Variants in BNC2 observed in about 807,000 individuals in gnomAD.
BNC2 encodes the protein basonuclin zinc finger protein 2, also known as zinc finger protein basonuclin-2.
Under a neutral mutation model 76.3 loss-of-function variants are expected in BNC2, and 20 were observed. That is an observed-to-expected ratio of 0.26 (90% CI 0.18 to 0.38). The LOEUF (loss-of-function observed/expected upper bound fraction) is 0.38, where lower values mean the gene tolerates loss of function less well. Among genes scored for constraint, BNC2 ranks in the 10% least tolerant of loss-of-function variants. The pLI, the probability that BNC2 is intolerant of heterozygous loss-of-function variation, is 1.00. For missense variants in BNC2, 1,382 were observed against 1,399.8 expected, an observed-to-expected ratio of 0.99 and a Z score of 0.20; for synonymous variants, 582 against 514.8, an observed-to-expected ratio of 1.13 and a Z score of -1.77.
intron 3 of BNC2, among the ~76,000 whole-genome samples, chr9:16,650,708 T>C (rs1332202597): frequency 5.9e-5 from 9 of 152,166 alleles, no homozygotes; most frequent in African/African-American, 1.7e-4. Context: ...GCATAATCAA[T>C]TGCATTCAGA....
chr9:16,476,406 G>T (rs1396820376), intron 5 of BNC2, among the ~76,000 whole-genome samples: 1 of 152,000 alleles, frequency 6.6e-6, no homozygotes, highest in Non-Finnish European at 1.5e-5. Flanking sequence ...CTTTCAGCAG[G>T]CCATGCTTCT....
intron 5 of BNC2, among the ~76,000 whole-genome samples, chr9:16,437,857 ATATTAG>A (rs1362884567): frequency 2.0e-5 from 3 of 152,228 alleles, no homozygotes; most frequent in South Asian, 2.1e-4. Flanking sequence ...TATTTAGCAT[ATATTAG>A]TATAAGATGT....
At chr9:16,783,824 TA>T (rs552415497) in intron 1 of BNC2, among the ~76,000 whole-genome samples, 151 of 152,346 alleles carry the variant, frequency 9.9e-4, no homozygotes, top group African/African-American at 3.6e-3. Flanking sequence ...CAATCATCCC[TA>T]ACCTTTGGCT....
chr9:16,715,514 C>A (rs1033344350), intron 3 of BNC2, among the ~76,000 whole-genome samples: 1 of 152,154 alleles, frequency 6.6e-6, no homozygotes, highest in Non-Finnish European at 1.5e-5. Context: ...CTGAATGTAG[C>A]CTGCAGATGA....
At chr9:16,727,114 C>T (rs1186143453) in intron 3 of BNC2, 1 of 152,852 alleles carries the variant, frequency 6.5e-6, no homozygotes, top group Non-Finnish European at 1.5e-5. Context: ...CGAGTGAGTG[C>T]GCCGGCGGGC....
intron 1 of BNC2, among the ~76,000 whole-genome samples, chr9:16,862,842 C>T (rs1819444165): frequency 6.6e-6 from 1 of 151,794 alleles, no homozygotes; most frequent in South Asian, 2.1e-4. Flanking sequence ...GACACTCATG[C>T]TTTTTCTGTG....
At chr9:16,709,518 TTTTGAGA>T (rs1823773168) in intron 3 of BNC2, among the ~76,000 whole-genome samples, 1 of 152,152 alleles carries the variant, frequency 6.6e-6, no homozygotes, top group Non-Finnish European at 1.5e-5. Context: ...GTTTGGTTAG[TTTTGAGA>T]CATGGAGGAG....
At chr9:16,654,757 TAAG>T (rs151089723) in intron 3 of BNC2, among the ~76,000 whole-genome samples, 7,525 of 152,166 alleles carry the variant, frequency 0.049, 347 homozygotes, top group South Asian at 0.16. Flanking sequence ...CCAAGTCAGA[TAAG>T]AAGGTTTTGG....
chr9:16,412,708 GAGAGAGAGA>G lies in BNC2; in HGVS notation c.*6272_*6280del, dbSNP rs1820488945. On this transcript the variant is annotated 3_prime_UTR_variant, in exon 7 of 7. Transcript: ENST00000380672. ...TTAGGAGGGGAGAATAAGAGGGAAG[GAGAGAGAGA>G]GGGGAGAGAGAGAGAGAGAGAGAGA... 1 of 145,764 alleles carries G rather than the reference GAGAGAGAGA, an allele frequency of 6.9e-6. No homozygotes were observed. Among genetic ancestry groups the G allele is most frequent in the Non-Finnish European group, 1.5e-5 (1 of 66,666 alleles). 9.0% of individuals were successfully genotyped at this position (145,764 alleles called of 1,614,324 possible).
chr9:16,558,194 A>G lies in BNC2; in HGVS notation c.434-5429T>C, dbSNP rs190957514. On this transcript the variant is annotated intron_variant, in intron 4 of 6. Coordinates refer to ENST00000380672, the MANE Select transcript of BNC2 (RefSeq NM_017637.6). ...TGAATACTCCTTAGCCAGGCCTAGA[A>G]AACCAGTCTGCTCCCAGCACCCTGA... Among the ~76,000 whole-genome samples the G allele has an allele frequency of 2.0e-5, 3 of 152,200 alleles. No homozygotes were observed. The East Asian group carries it at 5.8e-4, about 29-fold the overall frequency.
chr9:16,658,280 A>AACAG (rs74534399), intron 3 of BNC2, among the ~76,000 whole-genome samples: 89,182 of 151,670 alleles, frequency 0.59, 26,642 homozygotes, highest in East Asian at 0.74. Flanking sequence ...AAAACATGGA[A>AACAG]ACAGCTATAA....
At chr9:16,421,370 C>A (rs1183185719) in intron 6 of BNC2, 2 of 976,808 alleles carry the variant, frequency 2.0e-6, no homozygotes, top group African/African-American at 1.7e-5. Flanking sequence ...AGAGAGAAAA[C>A]AAATTCACAT....
At chr9:16,465,344 G>T (rs1160606286) in intron 5 of BNC2, among the ~76,000 whole-genome samples, 1 of 148,092 alleles carries the variant, frequency 6.8e-6, no homozygotes, top group African/African-American at 2.5e-5. Flanking sequence ...GCTTAGGCAT[G>T]AGAATCGCTT....
chr9:16,636,549 T>C (rs1315710717), intron 3 of BNC2, among the ~76,000 whole-genome samples: 1 of 152,074 alleles, frequency 6.6e-6, no homozygotes, highest in African/African-American at 2.4e-5. Flanking sequence ...GCGATCCTCC[T>C]ACCTCGGCCT....
chr9:16,469,992 CTTTTTTTTTTTT>C lies in BNC2; in HGVS notation c.670-32480_670-32469del, dbSNP rs201134930. Among the ~76,000 whole-genome samples the C allele has an allele frequency of 6.5e-4, 75 of 114,994 alleles. 1 individual carries two copies. In the East Asian group the frequency reaches 0.018, roughly 28 times the overall value. 75.4% of individuals were successfully genotyped at this position (114,994 alleles called of 152,430 possible). ...ACACTTGCATGCTGCTAATGGCATT[CTTTTTTTTTTTT>C]TTTTTTTTTTTGAGATGGAGTCCCG... On this transcript the variant is annotated intron_variant, in intron 5 of 6. Transcript: ENST00000380672.
chr9:16,674,047 T>C (rs568479995), intron 3 of BNC2, among the ~76,000 whole-genome samples: 2 of 152,394 alleles, frequency 1.3e-5, no homozygotes, highest in Non-Finnish European at 2.9e-5. Flanking sequence ...TCCAAAGTTC[T>C]GAACCTGCCT....
chr9:16,431,819 C>T (rs569590041), intron 6 of BNC2, among the ~76,000 whole-genome samples: 9 of 152,236 alleles, frequency 5.9e-5, no homozygotes, highest in African/African-American at 1.2e-4. Flanking sequence ...ATAAGGAGTA[C>T]GCAGCCTAGA....
intron 5 of BNC2, among the ~76,000 whole-genome samples, chr9:16,549,746 T>C (rs1287439561): frequency 1.3e-5 from 2 of 152,200 alleles, no homozygotes; most frequent in East Asian, 1.9e-4. Context: ...TTTGGTGTTC[T>C]GGGACCATTT....
intron 5 of BNC2, among the ~76,000 whole-genome samples, chr9:16,463,323 G>C (rs1457131544): frequency 7.8e-6 from 1 of 127,468 alleles, no homozygotes; most frequent in Non-Finnish European, 1.5e-5. Context: ...TTGAGACGGA[G>C]TCTCGCTCTG....
Sources: allele counts gnomAD v4.1 joint callset (sites outside exome capture counted in the v4.1 genomes callset), GRCh38; gene constraint gnomAD v4.1.1; transcripts MANE v1.5; gene names NCBI Gene and HGNC (gene_info 2026-07-23, HGNC 2026-07-21).